Variants in FAT1 observed in about 807,000 individuals in gnomAD.
FAT1 encodes the protein protocadherin Fat 1.
FAT1 carries 171 observed loss-of-function variants against 329.8 expected under a neutral mutation model. That is an observed-to-expected ratio of 0.52 (90% CI 0.46 to 0.59). The LOEUF (loss-of-function observed/expected upper bound fraction) is 0.59, where lower values mean the gene tolerates loss of function less well. Ranked by LOEUF, FAT1 falls within the 20% of genes least tolerant of loss-of-function variation. The probability of loss-of-function intolerance (pLI) is 0.00; values close to 1 mark genes in which losing one functional copy is unlikely to be tolerated. For missense variants in FAT1, 5,672 were observed against 5,774.4 expected, an observed-to-expected ratio of 0.98 and a Z score of 0.57; for synonymous variants, 2,233 against 2,228.6, an observed-to-expected ratio of 1.00 and a Z score of -0.06.
chr4:186,614,414 GGAAAA>G, intron 11 of FAT1, 70 bp from the exon 12 acceptor site: 1 of 1,029,906 alleles, frequency 9.7e-7, no homozygotes, highest in Non-Finnish European at 1.3e-6. Flanking sequence ...AGGGAATAAT[GGAAAA>G]GAAATCATTC....
At chr4:186,675,806 C>T (rs1000509578) in intron 2 of FAT1, among the ~76,000 whole-genome samples, 59 of 151,708 alleles carry the variant, frequency 3.9e-4, no homozygotes, top group East Asian at 2.3e-3. Context: ...CACACACACA[C>T]ACACACACAC....
At position 186,628,319 on chromosome 4, in the gene FAT1, C is replaced by T. The variant is rs141486462; in HGVS notation, c.4645G>A (p.Val1549Met). 806 of 1,613,392 alleles carry T rather than the reference C, an allele frequency of 5.0e-4. 4 individuals carry two copies. In the African/African-American group the frequency reaches 8.7e-3, roughly 18 times the overall value. ...TCATTCGTGTCGCTGACATTGACCA[C>T]AATCCTTGCAAAGTTGCGTTTTACA... is the stretch of plus-strand genomic sequence containing the variant. ...VPVKRNFARI[V>M]VNVSDTNDHA... The change falls in exon 9 of 27, where the codon GTG (valine) becomes ATG (methionine). Residue 1549 changes from valine to methionine, a missense_variant. Around this residue, in one of 2 missense-constraint regions of FAT1, gnomAD observed 3,966 missense variants for 3,915.2 expected, o/e 1.01. Coordinates refer to ENST00000441802, the MANE Select transcript of FAT1 (RefSeq NM_005245.4).
chr4:186,615,297 G>A (rs1425339734), intron 11 of FAT1, among the ~76,000 whole-genome samples: 1 of 152,096 alleles, frequency 6.6e-6, no homozygotes, highest in African/African-American at 2.4e-5. Flanking sequence ...TCCCTCAGAA[G>A]TTCCCCTTCC....
intron 9 of FAT1, 98 bp downstream of exon 9, chr4:186,628,055 AC>A: frequency 7.9e-7 from 1 of 1,269,660 alleles, no homozygotes; most frequent in Non-Finnish European, 1.1e-6. Flanking sequence ...TTTTGCAGAT[AC>A]ATAGAAATGC....
chr4:186,706,049 A>C (rs1289047887), intron 2 of FAT1, among the ~76,000 whole-genome samples: 3 of 152,086 alleles, frequency 2.0e-5, no homozygotes, highest in Non-Finnish European at 4.4e-5. Flanking sequence ...TCTCGACCAA[A>C]ACCTAGACGA....
chr4:186,649,426 G>C (rs1741528633), intron 3 of FAT1, among the ~76,000 whole-genome samples: 1 of 152,210 alleles, frequency 6.6e-6, no homozygotes, highest in African/African-American at 2.4e-5. Flanking sequence ...CTGTGAGTGT[G>C]AACTGATGTG....
chr4:186,614,049 TAA>T lies in FAT1; in HGVS notation c.9229+140_9229+141del, dbSNP rs1739587446. ...CGCACTAAATTGCTGGTAAGATTTCTAAGAGATGTCAACTTCGGAGCATCAGA... is the reference window on the plus strand; with the variant it reads ...CGCACTAAATTGCTGGTAAGATTTCTGAGATGTCAACTTCGGAGCATCAGA... On this transcript the variant is annotated intron_variant, in intron 12 of 26. Coordinates refer to ENST00000441802, the MANE Select transcript of FAT1 (RefSeq NM_005245.4). The T allele has an allele frequency of 4.6e-6, 3 of 648,618 alleles. No homozygotes were observed. In the Admixed American group the frequency reaches 9.8e-5, roughly 21 times the overall value. The allele number at this position is 648,618 out of a possible 1,614,324, so 40.2% of individuals were successfully genotyped here.
At chr4:186,621,835 GT>G in intron 9 of FAT1, 60 bp from the exon 10 acceptor site, 1 of 1,034,374 alleles carries the variant, frequency 9.7e-7, no homozygotes, top group Non-Finnish European at 1.3e-6. Context: ...AGTAGTAGTA[GT>G]TAGAGAAACA....
upstream of FAT1, among the ~76,000 whole-genome samples, chr4:186,725,793 G>A (rs1164021523): frequency 1.3e-5 from 2 of 152,166 alleles, no homozygotes; most frequent in East Asian, 3.9e-4. The surrounding 1 kb of genome is among the most constrained non-coding windows in gnomAD (Gnocchi z 5.4). Flanking sequence ...TTAGGGAGGG[G>A]GTTGGGGAGA....
At chr4:186,718,592 G>A (rs916282726) in intron 1 of FAT1, among the ~76,000 whole-genome samples, 4 of 152,246 alleles carry the variant, frequency 2.6e-5, no homozygotes, top group South Asian at 2.1e-4. Context: ...GCTTGAACCC[G>A]GGAGGCGGAG....
At chr4:186,698,458 G>T (rs1744141543) in intron 2 of FAT1, among the ~76,000 whole-genome samples, 1 of 152,224 alleles carries the variant, frequency 6.6e-6, no homozygotes, top group South Asian at 2.1e-4. Flanking sequence ...AAAGGCGCGT[G>T]TAAATAAACA....
intron 25 of FAT1, 89 bp from the exon 26 acceptor site, chr4:186,595,915 C>T (rs1045711260): frequency 8.9e-6 from 12 of 1,345,182 alleles, no homozygotes; most frequent in African/African-American, 4.4e-5. Flanking sequence ...CATTACCCAA[C>T]GATGGCCTGA....
In FAT1 at chr4:186,617,849, C is replaced by T. The variant is rs752221845; in HGVS notation, c.8737G>A (p.Asp2913Asn). 4 of 1,613,700 alleles carry T rather than the reference C, an allele frequency of 2.5e-6. No individual in the cohort carries two copies. The highest frequency in any genetic ancestry group is 2.2e-5 in the South Asian group (2 of 91,078). Residue 2913 changes from aspartate to asparagine, a missense_variant, in exon 10 of 27, where the codon GAT becomes AAT. By Grantham distance (23) the Asp-to-Asn change is conservative (BLOSUM62 1). This residue lies in a region of FAT1 where 3,966 missense variants were observed against 3,915.2 expected (regional missense o/e 1.01). Coordinates refer to ENST00000441802, the MANE Select transcript of FAT1 (RefSeq NM_005245.4). ...TCGGCCGTGAATCGTGGTGGACTATCGTTGACATCGGTGACGGTAACATCC... is the reference window on the plus strand; with the variant it reads ...TCGGCCGTGAATCGTGGTGGACTATTGTTGACATCGGTGACGGTAACATCC... ...IVDVTVTDVN[D>N]SPPRFTAEIY...
At position 186,603,237 on chromosome 4, in the gene FAT1, G is replaced by A. The variant is rs1163599347; in HGVS notation, c.11289C>T (p.Ser3763=). 1 of 1,613,770 alleles carries A rather than the reference G, an allele frequency of 6.2e-7. No homozygotes were observed. The highest frequency in any genetic ancestry group is 1.3e-5 in the African/African-American group (1 of 75,040). The change falls in exon 19 of 27, where the codon AGC becomes AGT. Residue 3763 remains serine, a synonymous_variant. Coordinates refer to ENST00000441802, the MANE Select transcript of FAT1 (RefSeq NM_005245.4). ...SVDESVMSTH[S]TARLSFVTPR... ...GAGTCACAAAACTCAGTCTGGCTGT[G>A]CTGTGTGTTGACATCACACTTTCAT...
At position 186,709,117 on chromosome 4, in the gene FAT1, G is replaced by C. The variant is rs2126701675; in HGVS notation, c.711C>G (p.Ile237Met). The part of the protein sequence containing the change: ...RGMKLYGSSG[I>M]SSMAKLTVHI... The stretch of plus-strand genomic sequence containing the variant: ...GCACCGTTAGCTTGGCCATGCTGCT[G>C]ATGCCACTGCTCCCATACAACTTCA... Residue 237 changes from isoleucine (I) to methionine (M), a missense_variant, in exon 2 of 27, where the codon ATC (isoleucine) becomes ATG (methionine). Ile to Met is a conservative substitution (Grantham distance 10). Transcript: ENST00000441802. The C allele has an allele frequency of 1.2e-6, 2 of 1,613,908 alleles. No homozygotes were observed. Among genetic ancestry groups the C allele is most frequent in the South Asian group, 1.1e-5 (1 of 91,086 alleles).
chr4:186,604,501 G>A lies in FAT1; in HGVS notation c.10424C>T (p.Pro3475Leu), dbSNP rs200717236. The change falls in exon 18 of 27, where the codon CCC (proline) becomes CTC (leucine). Residue 3475 changes from proline (P) to leucine (L), a missense_variant. By Grantham distance (98) the Pro-to-Leu change is moderately conservative. Around this residue, in one of 2 missense-constraint regions of FAT1, gnomAD observed 1,706 missense variants for 1,859.1 expected, o/e 0.92. Transcript: ENST00000441802. ...TDEDSSHNGP[P>L]FFFTIVTGND... ...TCCAGTTACAATAGTAAAGAAGAAG[G>A]GTGGACCGTTATGGGAAGAATCCTC... 5 of 1,613,778 alleles carry A rather than the reference G, an allele frequency of 3.1e-6. No individual in the cohort carries two copies. The highest frequency in any genetic ancestry group is 4.2e-6 in the Non-Finnish European group (5 of 1,179,708).
chr4:186,668,565 A>G (rs980776622), intron 2 of FAT1, among the ~76,000 whole-genome samples: 2 of 152,194 alleles, frequency 1.3e-5, no homozygotes, highest in African/African-American at 4.8e-5. Flanking sequence ...ACCATTCTTT[A>G]AGGGAGTCCT....
chr4:186,701,684 C>G (rs1744322240), intron 2 of FAT1, among the ~76,000 whole-genome samples: 1 of 152,228 alleles, frequency 6.6e-6, no homozygotes, highest in African/African-American at 2.4e-5. Context: ...GCCTCCTCCA[C>G]ATTCCTTCTC....
chr4:186,680,427 G>C (rs2126644027), intron 2 of FAT1, among the ~76,000 whole-genome samples: 1 of 152,252 alleles, frequency 6.6e-6, no homozygotes, highest in African/African-American at 2.4e-5. Flanking sequence ...CACTGAATAG[G>C]CTTTAATTAC....
Sources: gnomAD v4.1 joint callset for allele counts (sites outside exome capture counted in the v4.1 genomes callset) on GRCh38, gnomAD v4.1.1 for gene constraint, gnomAD v4.1.1 regional missense constraint, Gnocchi (gnomAD v3.1) non-coding constraint, MANE v1.5 for transcripts, NCBI Gene and HGNC (gene_info 2026-07-23, HGNC 2026-07-21) for gene names.